Variants in COL4A3 observed in about 807,000 individuals in gnomAD.
The protein encoded by COL4A3 is collagen alpha-3(IV) chain.
COL4A3 carries 135 observed loss-of-function variants against 217.4 expected under a neutral mutation model. That is an observed-to-expected ratio of 0.62 (90% CI 0.54 to 0.72). COL4A3 has a LOEUF of 0.72. COL4A3 is among the 30% of genes least tolerant of loss of function. The pLI, the probability that COL4A3 is intolerant of heterozygous loss-of-function variation, is 0.00. For missense variants in COL4A3, 1,868 were observed against 2,119.9 expected, an observed-to-expected ratio of 0.88 and a Z score of 2.33; for synonymous variants, 690 against 736.3, an observed-to-expected ratio of 0.94 and a Z score of 1.02.
At chr2:227,304,350 T>C (rs1001764388) in intron 46 of COL4A3, 5 of 616,562 alleles carry the variant, frequency 8.1e-6, no homozygotes, top group Non-Finnish European at 1.4e-5. Context: ...TTGTTCATAG[T>C]ATAACTTGAA....
At position 227,253,581 on chromosome 2, in the gene COL4A3, A is replaced by G. The variant is rs1216693546; in HGVS notation, c.708A>G (p.Gly236=). Reference sequence around the variant, plus strand: ...TTTAGGGTGTGAAAGGGTTAACAGGACCCCCGGGACCACCAGGAACAGTTA... The same window carrying G: ...TTTAGGGTGTGAAAGGGTTAACAGGGCCCCCGGGACCACCAGGAACAGTTA... ...KGERGVKGLT[G]PPGPPGTVIV... Residue 236 remains glycine, a synonymous_variant, in exon 13 of 52, where the codon GGA becomes GGG. Transcript: ENST00000396578. This position sits in a 1 kb window ranked among gnomAD's most constrained non-coding sequence, Gnocchi z 4.4. 2 of 1,613,768 alleles carry G rather than the reference A, an allele frequency of 1.2e-6. No homozygotes were observed. The highest frequency in any genetic ancestry group is 2.2e-5 in the East Asian group (1 of 44,898).
At chr2:227,274,060 A>AC (rs552439302) in intron 26 of COL4A3, among the ~76,000 whole-genome samples, 1 of 151,954 alleles carries the variant, frequency 6.6e-6, no homozygotes, top group African/African-American at 2.4e-5. Flanking sequence ...AACATAGCGA[A>AC]CCCCCATCTC....
At chr2:227,221,156 T>C (rs2067763964) in intron 1 of COL4A3, 1 of 152,252 alleles carries the variant, frequency 6.6e-6, no homozygotes, top group African/African-American at 2.4e-5. Flanking sequence ...TGTCATGAAA[T>C]TACCATTGCA....
intron 26 of COL4A3, among the ~76,000 whole-genome samples, chr2:227,273,925 T>G (rs546399997): frequency 6.6e-6 from 1 of 152,108 alleles, no homozygotes; most frequent in Admixed American, 6.6e-5. Flanking sequence ...AATGCCAACA[T>G]GGTCATGTTT....
At chr2:227,254,799 C>T (rs1207117960) in intron 15 of COL4A3, 84 bp downstream of exon 15, 2 of 930,268 alleles carry the variant, frequency 2.1e-6, no homozygotes, top group East Asian at 2.4e-5. Flanking sequence ...AGATGCCCAA[C>T]TCAAACTAGC....
At chr2:227,293,061 T>C (rs1411064363) in intron 37 of COL4A3, 130 bp from the exon 38 acceptor site, 3 of 1,218,884 alleles carry the variant, frequency 2.5e-6, no homozygotes, top group Non-Finnish European at 3.5e-6. Flanking sequence ...CCTATCACAG[T>C]GCTGGCAGAT....
chr2:227,170,140 G>C (rs185961772), intron 1 of COL4A3, among the ~76,000 whole-genome samples: 249 of 152,162 alleles, frequency 1.6e-3, no homozygotes, highest in African/African-American at 5.7e-3. Context: ...ACACATGGAT[G>C]GTACACAGAA....
chr2:227,164,715 C>T lies in COL4A3; in HGVS notation c.-12C>T. 6.5e-7 allele frequency: 1 copy of T among 1,529,504 alleles called. No homozygotes were observed. Among genetic ancestry groups the T allele is most frequent in the Middle Eastern group, 2.3e-4 (1 of 4,340 alleles). The allele number at this position is 1,529,504 out of a possible 1,614,324, so 94.7% of individuals were successfully genotyped here. ...TCCCCGGACTCGCCCAGGCTCTGAG[C>T]GCGCGCCCACCATGAGCGCCCGGAC... On this transcript the variant is annotated 5_prime_UTR_variant, in exon 1 of 52. Transcript: ENST00000396578. The surrounding 1 kb of genome is among the most constrained non-coding windows in gnomAD (Gnocchi z 4.8).
chr2:227,218,092 A>AAAATAAC (rs1553743408), intron 1 of COL4A3, among the ~76,000 whole-genome samples: 8 of 146,486 alleles, frequency 5.5e-5, no homozygotes, highest in African/African-American at 2.0e-4. Context: ...ATATATATAT[A>AAAATAAC]TATATATATA....
In COL4A3 at chr2:227,220,130, G is replaced by A. The variant is rs900633455; in HGVS notation, c.88-17838G>A. ...ACCAGAGCTTCTTGTTTAATAAGGC[G>A]GTTTTATGTGTGTGTGTGTGTGTGT... is the stretch of plus-strand genomic sequence containing the variant. On this transcript the variant is annotated intron_variant, in intron 1 of 51. Transcript: ENST00000396578. 6.7e-5 allele frequency among the ~76,000 whole-genome samples: 8 copies of A among 118,916 alleles called. No homozygotes were observed. In the South Asian group the frequency reaches 9.2e-4, roughly 14 times the overall value. The allele number at this position is 118,916 out of a possible 152,430, so 78.0% of individuals were successfully genotyped here. A position where few individuals can be genotyped will look rare whatever the true frequency, so the allele number is the denominator to read the frequency against.
At chr2:227,257,398 T>C (rs2070251389) in intron 17 of COL4A3, among the ~76,000 whole-genome samples, 1 of 152,238 alleles carries the variant, frequency 6.6e-6, no homozygotes, top group African/African-American at 2.4e-5. Context: ...TAACTACTTC[T>C]GTACAACCTT....
intron 23 of COL4A3, among the ~76,000 whole-genome samples, chr2:227,269,235 G>A (rs1431100861): frequency 6.6e-6 from 1 of 152,172 alleles, no homozygotes; most frequent in Non-Finnish European, 1.5e-5. Flanking sequence ...ATTTGGCTCT[G>A]CTATTACACT....
chr2:227,312,086 G>A lies in COL4A3; in HGVS notation c.*216G>A. On this transcript the variant is annotated 3_prime_UTR_variant, in exon 52 of 52. Coordinates refer to ENST00000396578, the MANE Select transcript of COL4A3 (RefSeq NM_000091.5). Reference sequence around the variant, plus strand: ...TCTGTGCTGTTTCAAAGTTCTCTGTGGCAAAGCAGCAACTATTCACAAAAT... The same window carrying A: ...TCTGTGCTGTTTCAAAGTTCTCTGTAGCAAAGCAGCAACTATTCACAAAAT... 2 of 744,934 alleles carry A rather than the reference G, an allele frequency of 2.7e-6. No homozygotes were observed. The highest frequency in any genetic ancestry group is 4.2e-6 in the Non-Finnish European group (2 of 476,450). 46.1% of individuals were successfully genotyped at this position (744,934 alleles called of 1,614,324 possible). A position where few individuals can be genotyped will look rare whatever the true frequency, so the allele number is the denominator to read the frequency against.
At chr2:227,245,357 C>A (rs2069268745) in intron 5 of COL4A3, among the ~76,000 whole-genome samples, 1 of 151,600 alleles carries the variant, frequency 6.6e-6, no homozygotes, top group African/African-American at 2.4e-5. Context: ...TACACTATAA[C>A]AACTATTTAC....
At chr2:227,227,613 T>G (rs2068169016) in intron 1 of COL4A3, among the ~76,000 whole-genome samples, 1 of 152,054 alleles carries the variant, frequency 6.6e-6, no homozygotes, top group African/African-American at 2.4e-5. Context: ...TGAATTCAGA[T>G]CCCCACTCCC....
rs148686474 is a variant in COL4A3, at chr2:227,263,939, C to G, written c.1310C>G (p.Pro437Arg). 2 of 1,613,876 alleles carry G rather than the reference C, an allele frequency of 1.2e-6. No homozygotes were observed. Among genetic ancestry groups the G allele is most frequent in the African/African-American group, 2.7e-5 (2 of 74,878 alleles). ...CCAGGATCACCGGGACCTCCAGGAC[C>G]GCCAGGTAAAGATGTGGAAGGGGAC... ...GLPGSPGPPG[P>R]PGDIVFRKGP... The change falls in exon 21 of 52, where the codon CCG (proline) becomes CGG (arginine). Residue 437 changes from proline to arginine, a missense_variant. Physicochemically the swap from Pro to Arg is moderately radical, Grantham distance 103 (BLOSUM62 -2). Coordinates refer to ENST00000396578, the MANE Select transcript of COL4A3 (RefSeq NM_000091.5).
intron 1 of COL4A3, among the ~76,000 whole-genome samples, chr2:227,237,574 T>G (rs531821477): frequency 3.3e-5 from 5 of 152,210 alleles, no homozygotes; most frequent in African/African-American, 9.6e-5. Context: ...TTTTTAACTA[T>G]GACAGCAGCA....
chr2:227,182,000 TTTC>T (rs1253243403), intron 1 of COL4A3, among the ~76,000 whole-genome samples: 1 of 152,194 alleles, frequency 6.6e-6, no homozygotes, highest in East Asian at 1.9e-4. Flanking sequence ...ATATCTATCT[TTTC>T]TTATTTAATC....
At chr2:227,300,220 A>G (rs2073219025) in intron 43 of COL4A3, among the ~76,000 whole-genome samples, 1 of 152,132 alleles carries the variant, frequency 6.6e-6, no homozygotes, top group Non-Finnish European at 1.5e-5. Context: ...CCGGAACATC[A>G]CCATTTTAGG....
Sources: gnomAD v4.1 joint callset for allele counts (sites outside exome capture counted in the v4.1 genomes callset) on GRCh38, gnomAD v4.1.1 for gene constraint, Gnocchi (gnomAD v3.1) non-coding constraint, MANE v1.5 for transcripts, NCBI Gene and HGNC (gene_info 2026-07-23, HGNC 2026-07-21) for gene names.